Variants in SYNPO observed in about 807,000 individuals in gnomAD.
SYNPO encodes the protein synaptopodin.
A neutral mutation model predicts 49.5 loss-of-function variants in SYNPO; 19 were observed. The observed-to-expected ratio is 0.38, with a 90% CI of 0.27 to 0.56. The LOEUF (loss-of-function observed/expected upper bound fraction) is 0.56, where lower values mean the gene tolerates loss of function less well. Ranked by LOEUF, SYNPO falls within the 20% of genes least tolerant of loss-of-function variation. The pLI, the probability that SYNPO is intolerant of heterozygous loss-of-function variation, is 0.68. For missense variants in SYNPO, 1,131 were observed against 1,248.3 expected (o/e 0.91, Z 1.42); for synonymous variants, 536 against 548.0 (o/e 0.98, Z 0.31).
chr5:150,640,749 G>A lies in SYNPO; in HGVS notation c.-438G>A, dbSNP rs922457547. The A allele has an allele frequency of 1.0e-5, 10 of 985,500 alleles. No homozygotes were observed. The highest frequency in any genetic ancestry group is 1.1e-5 in the Non-Finnish European group (9 of 829,954). The allele number at this position is 985,500 out of a possible 1,614,324, so 61.0% of individuals were successfully genotyped here. On this transcript the variant is annotated 5_prime_UTR_variant, in exon 1 of 3. Coordinates refer to ENST00000307662, the MANE Select transcript of SYNPO (RefSeq NM_007286.6). Reference sequence around the variant, plus strand: ...GCCGATGTGGGATTTTCCTGGCTTCGTCAGCCAAGCAATTGGCTGCCTTTG... The same window carrying A: ...GCCGATGTGGGATTTTCCTGGCTTCATCAGCCAAGCAATTGGCTGCCTTTG...
chr5:150,636,767 A>G (rs554380629), upstream of SYNPO, among the ~76,000 whole-genome samples: 468 of 121,148 alleles, frequency 3.9e-3, 3 homozygotes, highest in South Asian at 0.013. Context: ...TAGAAGTGAC[A>G]TGGGGATCCC....
chr5:150,648,330 A>T lies in SYNPO; in HGVS notation c.55A>T (p.Ser19Cys), dbSNP rs1758188852. Residue 19 changes from serine to cysteine, a missense_variant, in exon 2 of 3, where the codon AGT becomes TGT. Coordinates refer to ENST00000307662, the MANE Select transcript of SYNPO (RefSeq NM_007286.6). This position sits in a 1 kb window ranked among gnomAD's most constrained non-coding sequence, Gnocchi z 5.0. ...SLLRHLEKVA[S>C]EEEEVPLVVY... ...GCTGCGGCACCTGGAGAAGGTGGCCAGTGAGGAGGAAGAGGTACCACTGGT... is the reference window on the plus strand; with the variant it reads ...GCTGCGGCACCTGGAGAAGGTGGCCTGTGAGGAGGAAGAGGTACCACTGGT... The T allele has an allele frequency of 3.1e-6, 5 of 1,614,086 alleles. No individual in the cohort carries two copies. The highest frequency in any genetic ancestry group is 1.3e-5 in the African/African-American group (1 of 74,924).
At chr5:150,611,445 G>A (rs546769014) in intron 1 of SYNPO, among the ~76,000 whole-genome samples, 1 of 152,348 alleles carries the variant, frequency 6.6e-6, no homozygotes, top group Non-Finnish European at 1.5e-5. Context: ...CTGAACTGAA[G>A]CCTTATCTCT....
Position 150,655,079 on chromosome 5 carries a change from T to C in SYNPO, c.2029-1325T>C, listed in dbSNP as rs113581316. Among the ~76,000 whole-genome samples, 1,371 of 152,346 alleles carry C rather than the reference T, an allele frequency of 9.0e-3. 19 individuals are homozygous for C. The highest frequency in any genetic ancestry group is 0.031 in the African/African-American group (1,308 of 41,586). ...GGCAGAAGTTGCGGTGAGCTGAGAT[T>C]GTGCCATTGCACTCCAGCCTGAGCA... On this transcript the variant is annotated intron_variant, in intron 2 of 2. Transcript: ENST00000307662.
At chr5:150,624,710 C>A in intron 2 of SYNPO, 1 of 459,284 alleles carries the variant, frequency 2.2e-6, no homozygotes, top group Non-Finnish European at 2.9e-6. Flanking sequence ...GCGCTCCCGG[C>A]TCCCAGCCCG....
intron 2 of SYNPO, among the ~76,000 whole-genome samples, chr5:150,633,133 G>T (rs1250549666): frequency 2.6e-5 from 4 of 152,190 alleles, no homozygotes; most frequent in Non-Finnish European, 5.9e-5. Flanking sequence ...GTAGGTGTGG[G>T]TGCATGGGTG....
At position 150,648,642 on chromosome 5, in the gene SYNPO, C is replaced by T; in HGVS notation, c.367C>T (p.Leu123Phe). ...CCAACAGAATTCCTCAGAGGCCCAA[C>T]TCCCATCTAATGGCACAGGGCCTGC... ...SIQQNSSEAQLPSNGTGPASK... is the reference protein window; with the variant it reads ...SIQQNSSEAQFPSNGTGPASK... The change falls in exon 2 of 3, where the codon CTC (leucine) becomes TTC (phenylalanine). Residue 123 changes from leucine to phenylalanine, a missense_variant. Physicochemically the swap from Leu to Phe is conservative, Grantham distance 22. This residue lies in a region of SYNPO where 602 missense variants were observed against 720.7 expected (regional missense o/e 0.84). Transcript: ENST00000307662. This position sits in a 1 kb window ranked among gnomAD's most constrained non-coding sequence, Gnocchi z 5.0. The T allele has an allele frequency of 1.2e-6, 2 of 1,614,228 alleles. No homozygotes were observed. Among genetic ancestry groups the T allele is most frequent in the Non-Finnish European group, 1.7e-6 (2 of 1,180,048 alleles).
rs1291518994 is a variant in SYNPO at position 150,648,546 on chromosome 5, C to A, written c.271C>A (p.Pro91Thr). Residue 91 changes from proline (P) to threonine (T), a missense_variant, in exon 2 of 3, where the codon CCG becomes ACG. By Grantham distance (38) the Pro-to-Thr change is conservative (BLOSUM62 -1). This residue lies in a region of SYNPO where 602 missense variants were observed against 720.7 expected (regional missense o/e 0.84). Transcript: ENST00000307662. The surrounding 1 kb of genome is among the most constrained non-coding windows in gnomAD (Gnocchi z 5.0). ...TTPTSNSSHN[P>T]PATDVNQNPP... ...ACCAACTTCTAACAGCAGCCACAAT[C>A]CGCCAGCCACCGATGTCAATCAGAA... The A allele has an allele frequency of 2.5e-6, 4 of 1,614,066 alleles. No homozygotes were observed. In the African/African-American group the frequency reaches 5.3e-5, roughly 22 times the overall value.
chr5:150,646,347 AAAAAT>A (rs1758092317), intron 1 of SYNPO, among the ~76,000 whole-genome samples: 1 of 152,190 alleles, frequency 6.6e-6, no homozygotes, highest in African/African-American at 2.4e-5. Context: ...TCAGAAAAGT[AAAAAT>A]AAAATAAAAA....
At chr5:150,598,093 C>G (rs1183371285), upstream of SYNPO, among the ~76,000 whole-genome samples, 1 of 152,132 alleles carries the variant, frequency 6.6e-6, no homozygotes, top group South Asian at 2.1e-4. Context: ...CCACTGCCCT[C>G]GCAACACATC....
intron 1 of SYNPO, among the ~76,000 whole-genome samples, chr5:150,644,795 C>A (rs1758028849): frequency 6.6e-6 from 1 of 152,158 alleles, no homozygotes; most frequent in Non-Finnish European, 1.5e-5. Context: ...CACCCCATCC[C>A]TTAGGCTCCT....
chr5:150,589,832 C>T, the SYNPO span, among the ~76,000 whole-genome samples: 2 of 152,210 alleles, frequency 1.3e-5, no homozygotes, highest in South Asian at 2.1e-4. Context: ...CCTTTCAAAG[C>T]CCCCAGCTCT....
At chr5:150,610,878 G>A (rs1561633829) in intron 1 of SYNPO, among the ~76,000 whole-genome samples, 1 of 152,156 alleles carries the variant, frequency 6.6e-6, no homozygotes, top group East Asian at 1.9e-4. Flanking sequence ...TATTCAGAAT[G>A]GAATAGGAAG....
chr5:150,595,526 G>A, the SYNPO span, among the ~76,000 whole-genome samples: 1 of 152,226 alleles, frequency 6.6e-6, no homozygotes, highest in African/African-American at 2.4e-5. Flanking sequence ...GGAGTCAGGG[G>A]ACAGGGGAGA....
At chr5:150,586,769 G>C in the SYNPO span, among the ~76,000 whole-genome samples, 1 of 152,240 alleles carries the variant, frequency 6.6e-6, no homozygotes, top group South Asian at 2.1e-4. Context: ...GTAAAAACCT[G>C]AGAAATATTA....
Position 150,649,448 on chromosome 5 carries a change from G to C in SYNPO, c.1173G>C (p.Pro391=). ...FTFVEKPKVT[P]NPDLLDLVQT... is the part of the protein sequence containing the mutation. ...TCGTGGAGAAGCCCAAGGTGACCCC[G>C]AATCCAGACTTGCTGGATCTGGTAC... is the stretch of plus-strand genomic sequence containing the variant. The change falls in exon 2 of 3, where the codon CCG becomes CCC. Residue 391 remains proline, a synonymous_variant. Coordinates refer to ENST00000307662, the MANE Select transcript of SYNPO (RefSeq NM_007286.6). 1 of 1,614,178 alleles carries C rather than the reference G, an allele frequency of 6.2e-7. No homozygotes were observed. The highest frequency in any genetic ancestry group is 2.2e-5 in the East Asian group (1 of 44,876).
intron 2 of SYNPO, chr5:150,651,190 C>T (rs1758369202): frequency 9.9e-7 from 1 of 1,014,918 alleles, no homozygotes. Context: ...AGCCATGTAT[C>T]CATTGGCTGT....
At chr5:150,623,606 G>T (rs554774025) in intron 2 of SYNPO, among the ~76,000 whole-genome samples, 13 of 152,200 alleles carry the variant, frequency 8.5e-5, no homozygotes, top group African/African-American at 3.1e-4. Flanking sequence ...TGAAGCCCAT[G>T]AGGCCAGGAG....
chr5:150,649,988 C>G lies in SYNPO; in HGVS notation c.1713C>G (p.Leu571=), dbSNP rs553101969. 1.5e-4 allele frequency: 236 copies of G among 1,612,826 alleles called. 3 individuals carry two copies. The South Asian group carries it at 2.5e-3, about 17-fold the overall frequency. ...KQPPYQLRPS[L]FVLSPIKEPA... ...CGCCATACCAGCTGCGCCCCTCGCT[C>G]TTTGTCCTCTCACCTATCAAGGAGC... The change falls in exon 2 of 3, where the codon CTC becomes CTG. Residue 571 remains leucine (L), a synonymous_variant. Coordinates refer to ENST00000307662, the MANE Select transcript of SYNPO (RefSeq NM_007286.6).
Sources: allele counts gnomAD v4.1 joint callset (sites outside exome capture counted in the v4.1 genomes callset), GRCh38; gene constraint gnomAD v4.1.1; regional missense constraint gnomAD v4.1.1; non-coding constraint Gnocchi (gnomAD v3.1); transcripts MANE v1.5; gene names NCBI Gene and HGNC (gene_info 2026-07-23, HGNC 2026-07-21).